STPG2: variants seen among roughly 807,000 people sequenced by gnomAD.
STPG2 encodes the protein sperm-tail PG-rich repeat-containing protein 2.
Under a neutral mutation model 54.2 loss-of-function variants are expected in STPG2, and 56 were observed. The observed-to-expected ratio is 1.03, with a 90% CI of 0.83 to 1.29. The LOEUF (loss-of-function observed/expected upper bound fraction) is 1.29, where lower values mean the gene tolerates loss of function less well. STPG2 is among the 50% of genes most tolerant of loss of function. The probability of loss-of-function intolerance (pLI) is 0.00; values close to 1 mark genes in which losing one functional copy is unlikely to be tolerated. For synonymous variants in STPG2, 200 were observed against 181.8 expected, an observed-to-expected ratio of 1.10 and a Z score of -0.81; for missense variants, 596 against 544.9, an observed-to-expected ratio of 1.09 and a Z score of -0.93.
intron 2 of STPG2, among the ~76,000 whole-genome samples, chr4:98,130,123 C>G (rs1739944744): frequency 6.6e-6 from 1 of 151,736 alleles, no homozygotes; most frequent in Non-Finnish European, 1.5e-5. Flanking sequence ...GCCTCCCAAA[C>G]TGCTGGGATC....
intron 9 of STPG2, among the ~76,000 whole-genome samples, chr4:97,756,472 C>T (rs1316999059): frequency 2.6e-5 from 4 of 152,088 alleles, no homozygotes; most frequent in Admixed American, 2.6e-4. Flanking sequence ...CAGGTGCCCG[C>T]CACCATGCCC....
At chr4:98,070,786 A>T (rs1168920870) in intron 5 of STPG2, among the ~76,000 whole-genome samples, 2 of 152,046 alleles carry the variant, frequency 1.3e-5, no homozygotes, top group Non-Finnish European at 2.9e-5. Flanking sequence ...AGAATAAAAT[A>T]CCTAGGAATA....
At chr4:97,740,788 CA>C (rs1725198910) in intron 9 of STPG2, among the ~76,000 whole-genome samples, 1 of 152,086 alleles carries the variant, frequency 6.6e-6, no homozygotes, top group South Asian at 2.1e-4. Flanking sequence ...CAATACTGCC[CA>C]AGGTAATTTA....
At chr4:97,947,420 G>A (rs1733276407) in intron 7 of STPG2, among the ~76,000 whole-genome samples, 1 of 151,916 alleles carries the variant, frequency 6.6e-6, no homozygotes, top group African/African-American at 2.4e-5. Context: ...TGATTGGTCT[G>A]GCTAGGACTT....
intron 7 of STPG2, among the ~76,000 whole-genome samples, chr4:97,957,362 C>A (rs1242138070): frequency 6.6e-6 from 1 of 151,152 alleles, no homozygotes. Context: ...TTTAATTCAC[C>A]CAATCAAACA....
At chr4:97,924,692 T>A (rs1360354258) in intron 8 of STPG2, among the ~76,000 whole-genome samples, 1 of 152,234 alleles carries the variant, frequency 6.6e-6, no homozygotes, top group Non-Finnish European at 1.5e-5. Context: ...AATTTTTAAA[T>A]GTCATGTTTT....
intron 5 of STPG2, among the ~76,000 whole-genome samples, chr4:97,995,961 T>C (rs1735194356): frequency 6.6e-6 from 1 of 152,068 alleles, no homozygotes; most frequent in South Asian, 2.1e-4. Context: ...CAAAAAAAAT[T>C]CCATGCTCTG....
intron 5 of STPG2, among the ~76,000 whole-genome samples, chr4:98,090,571 T>A (rs1738656367): frequency 6.6e-6 from 1 of 151,998 alleles, no homozygotes; most frequent in African/African-American, 2.4e-5. Context: ...ATTTCAGAAT[T>A]GTTTACCTTA....
At chr4:97,909,603 T>C (rs549690211) in intron 8 of STPG2, among the ~76,000 whole-genome samples, 189 of 152,202 alleles carry the variant, frequency 1.2e-3, no homozygotes, top group African/African-American at 4.3e-3. Flanking sequence ...AAAGGATACA[T>C]CAAAAACACC....
intron 10 of STPG2, among the ~76,000 whole-genome samples, chr4:97,673,881 T>C (rs1482252022): frequency 6.6e-6 from 1 of 152,202 alleles, no homozygotes; most frequent in Non-Finnish European, 1.5e-5. Context: ...TCATTTTATG[T>C]TTTAAATTTA....
chr4:97,565,632 T>C (rs1355008093), intron 10 of STPG2, among the ~76,000 whole-genome samples: 1 of 152,214 alleles, frequency 6.6e-6, no homozygotes, highest in African/African-American at 2.4e-5. Context: ...CCTTTCTGTT[T>C]GTTAGTTTTC....
chr4:97,659,124 A>T (rs575841327), intron 10 of STPG2, among the ~76,000 whole-genome samples: 132 of 152,302 alleles, frequency 8.7e-4, no homozygotes, highest in African/African-American at 3.1e-3. Context: ...GTATAAAGTA[A>T]CCATGAAAAC....
chr4:97,797,002 G>A (rs1415309639), intron 9 of STPG2, among the ~76,000 whole-genome samples: 1 of 152,026 alleles, frequency 6.6e-6, no homozygotes, highest in Non-Finnish European at 1.5e-5. Context: ...TGTTATTGGT[G>A]TATAAGAATG....
intron 9 of STPG2, among the ~76,000 whole-genome samples, chr4:97,802,375 T>C (rs1427473785): frequency 6.6e-6 from 1 of 152,190 alleles, no homozygotes; most frequent in Non-Finnish European, 1.5e-5. Flanking sequence ...TCCATTCTGG[T>C]CTCCTTCAGT....
At chr4:98,046,390 C>T (rs1242003746) in intron 5 of STPG2, among the ~76,000 whole-genome samples, 1 of 152,168 alleles carries the variant, frequency 6.6e-6, no homozygotes, top group African/African-American at 2.4e-5. Context: ...ATTTCTTCAT[C>T]TTCCTTGACT....
At position 97,945,087 on chromosome 4, in the gene STPG2, T is replaced by C. The variant is rs1733152222; in HGVS notation, c.934-1080A>G. 3.3e-5 allele frequency among the ~76,000 whole-genome samples: 5 copies of C among 152,152 alleles called. No homozygotes were observed. In the South Asian group the frequency reaches 1.0e-3, roughly 31 times the overall value. On this transcript the variant is annotated intron_variant, in intron 7 of 10. Transcript: ENST00000295268. ...ATTTTTATTTCGATAGCTTTTGGGGTACAAGTGGTTTTTCCTTACATGGAT... is the reference window on the plus strand; with the variant it reads ...ATTTTTATTTCGATAGCTTTTGGGGCACAAGTGGTTTTTCCTTACATGGAT...
At chr4:97,533,874 T>A (rs1317268900) in intron 4 of STPG2, among the ~76,000 whole-genome samples, 1 of 152,134 alleles carries the variant, frequency 6.6e-6, no homozygotes, top group Non-Finnish European at 1.5e-5. Context: ...GTAAATAAGA[T>A]GAATGAATAA....
At chr4:97,749,887 G>T (rs1416498846) in intron 9 of STPG2, among the ~76,000 whole-genome samples, 1 of 151,772 alleles carries the variant, frequency 6.6e-6, no homozygotes, top group East Asian at 1.9e-4. Context: ...CGTTCAGTAG[G>T]ATTTATTTCT....
intron 8 of STPG2, among the ~76,000 whole-genome samples, chr4:97,901,096 A>C (rs1361249313): frequency 6.6e-6 from 1 of 152,022 alleles, no homozygotes; most frequent in Admixed American, 6.6e-5. Context: ...AAACTTACAT[A>C]AGTATATGGA....
Sources: allele counts gnomAD v4.1 joint callset (sites outside exome capture counted in the v4.1 genomes callset), GRCh38; gene constraint gnomAD v4.1.1; transcripts MANE v1.5; gene names NCBI Gene and HGNC (gene_info 2026-07-23, HGNC 2026-07-21).